The following SCN9A variants were observed in gnomAD, a reference collection of about 807,000 sequenced individuals.
SCN9A encodes sodium channel protein type 9 subunit alpha.
A neutral mutation model predicts 187.0 loss-of-function variants in SCN9A; 131 were observed. That is an observed-to-expected ratio of 0.70 (90% confidence interval 0.61 to 0.81). The LOEUF (loss-of-function observed/expected upper bound fraction) is 0.81, where lower values mean the gene tolerates loss of function less well. Ranked by LOEUF, SCN9A falls within the 30% of genes least tolerant of loss-of-function variation. The pLI, the probability that SCN9A is intolerant of heterozygous loss-of-function variation, is 0.00. For synonymous variants in SCN9A, 809 were observed against 808.6 expected, an observed-to-expected ratio of 1.00 and a Z score of -0.01; for missense variants, 2,252 against 2,396.6, an observed-to-expected ratio of 0.94 and a Z score of 1.26.
At chr2:166,370,065 CTAAAGTA>C (rs1174257699) in intron 1 of SCN9A, among the ~76,000 whole-genome samples, 1 of 151,342 alleles carries the variant, frequency 6.6e-6, no homozygotes, top group Non-Finnish European at 1.5e-5. Flanking sequence ...TTTTCAAATT[CTAAAGTA>C]TAGACTCTCA....
chr2:166,203,530 T>C (rs1380956306), intron 26 of SCN9A, among the ~76,000 whole-genome samples: 1 of 151,930 alleles, frequency 6.6e-6, no homozygotes, highest in Non-Finnish European at 1.5e-5. Flanking sequence ...CACTTTAAAT[T>C]CTGGAAGAAT....
chr2:166,252,089 C>T (rs565446347), intron 17 of SCN9A, among the ~76,000 whole-genome samples: 5 of 151,956 alleles, frequency 3.3e-5, no homozygotes, highest in Non-Finnish European at 7.4e-5. Context: ...CTACACCATC[C>T]TGTAAAATAA....
At chr2:166,305,749 G>C in intron 5 of SCN9A, 43 bp downstream of exon 5, 1 of 1,612,486 alleles carries the variant, frequency 6.2e-7, no homozygotes, top group Non-Finnish European at 8.5e-7. Context: ...TGCTGCCTGA[G>C]ATTTTCATAA....
chr2:166,210,551 T>C (rs573038915), intron 24 of SCN9A, among the ~76,000 whole-genome samples: 1 of 117,278 alleles, frequency 8.5e-6, no homozygotes, highest in Non-Finnish European at 1.9e-5. Context: ...TCATTTAAAA[T>C]TATCCAGTCA....
intron 2 of SCN9A, among the ~76,000 whole-genome samples, chr2:166,309,030 C>A (rs1486004022): frequency 6.6e-6 from 1 of 150,576 alleles, no homozygotes; most frequent in Non-Finnish European, 1.5e-5. Flanking sequence ...GTTTTGTATT[C>A]AAGGAACTTC....
intron 24 of SCN9A, among the ~76,000 whole-genome samples, chr2:166,213,528 A>G (rs1400811781): frequency 6.7e-6 from 1 of 150,204 alleles, no homozygotes; most frequent in African/African-American, 2.4e-5. Context: ...AAAGAAATGT[A>G]CAGGACCAGA....
intron 1 of SCN9A, among the ~76,000 whole-genome samples, chr2:166,325,357 G>A (rs537484448): frequency 1.3e-5 from 2 of 152,056 alleles, no homozygotes; most frequent in South Asian, 4.2e-4. Flanking sequence ...TGATCAATAG[G>A]AGATCCATTA....
chr2:166,203,891 C>T (rs1267643984), intron 26 of SCN9A, 64 bp downstream of exon 26: 2 of 992,086 alleles, frequency 2.0e-6, no homozygotes, highest in African/African-American at 3.3e-5. Flanking sequence ...GCATATACTT[C>T]CTTGAGCATA....
intron 15 of SCN9A, 52 bp from the exon 16 acceptor site, chr2:166,277,391 G>T: frequency 1.6e-6 from 2 of 1,249,422 alleles, no homozygotes; most frequent in Non-Finnish European, 2.3e-6. Context: ...TCTTTTCAAT[G>T]TTTCCAATCT....
chr2:166,227,494 G>A (rs1694888130), intron 23 of SCN9A, among the ~76,000 whole-genome samples, 176 bp downstream of exon 23: 1 of 152,200 alleles, frequency 6.6e-6, no homozygotes, highest in Non-Finnish European at 1.5e-5. Context: ...GCTAGAATTT[G>A]AATCAGGCTC....
chr2:166,315,477 T>G (rs1287731992), intron 1 of SCN9A, among the ~76,000 whole-genome samples: 1 of 152,168 alleles, frequency 6.6e-6, no homozygotes, highest in Non-Finnish European at 1.5e-5. Flanking sequence ...AGTGGTACCA[T>G]GCATGGGCAA....
At position 166,220,564 on chromosome 2, in the gene SCN9A, C is replaced by G. The variant is rs778655873; in HGVS notation, c.4398+6003G>C. On this transcript the variant is annotated intron_variant, in intron 24 of 26. Transcript: ENST00000642356. ...AGCCCCTCAGTCATGAACTTTCCAT[C>G]CTCCAGTACTGTGATCCCATAAGGT... Among the ~76,000 whole-genome samples the G allele has an allele frequency of 3.8e-4, 58 of 152,256 alleles. 1 individual carries two copies. The highest frequency in any genetic ancestry group is 7.5e-4 in the Non-Finnish European group (51 of 68,022).
At position 166,286,330 on chromosome 2, in the gene SCN9A, TG is replaced by T. The variant is rs1488594635; in HGVS notation, c.1602+5del. The stretch of plus-strand genomic sequence containing the variant: ...GGTGATACACATTTAGCAATTTGGG[TG>T]GTACCTGATTGGGGGTAGACAACCT... On this transcript the variant is annotated splice_donor_5th_base_variant and intron_variant, in intron 11 of 26. Transcript: ENST00000642356. 12 of 1,599,496 alleles carry T rather than the reference TG, an allele frequency of 7.5e-6. No homozygotes were observed. The highest frequency in any genetic ancestry group is 8.5e-6 in the Non-Finnish European group (10 of 1,174,798).
chr2:166,349,047 G>C (rs947047186), intron 1 of SCN9A, among the ~76,000 whole-genome samples: 9 of 79,264 alleles, frequency 1.1e-4, no homozygotes, highest in African/African-American at 6.9e-4. Context: ...AGAATCGCTT[G>C]AACCCAGGAG....
chr2:166,319,706 T>C (rs1048248742), intron 1 of SCN9A, among the ~76,000 whole-genome samples: 2 of 152,278 alleles, frequency 1.3e-5, no homozygotes, highest in African/African-American at 4.8e-5. Flanking sequence ...ATATATAAAA[T>C]GTAAGTACAA....
chr2:166,333,454 C>A (rs1019408905), intron 1 of SCN9A, among the ~76,000 whole-genome samples: 1 of 152,054 alleles, frequency 6.6e-6, no homozygotes, highest in Non-Finnish European at 1.5e-5. Context: ...TCCAAATTTT[C>A]TCTTTTCTCC....
chr2:166,339,367 C>T (rs932165760), intron 1 of SCN9A, among the ~76,000 whole-genome samples: 1 of 152,006 alleles, frequency 6.6e-6, no homozygotes, highest in African/African-American at 2.4e-5. Flanking sequence ...ATGTAGTGGC[C>T]TTTTATCAAC....
At position 166,294,580 on chromosome 2, in the gene SCN9A, GA is replaced by G. The variant is rs1698218221; in HGVS notation, c.965+18del. 1 of 1,592,500 alleles carries G rather than the reference GA, an allele frequency of 6.3e-7. No homozygotes were observed. The highest frequency in any genetic ancestry group is 8.6e-7 in the Non-Finnish European group (1 of 1,163,804). On this transcript the variant is annotated intron_variant, in intron 8 of 26. Transcript: ENST00000642356. ...TCTCTTTCAGCCTTTAGACTAAAAA[GA>G]AAACAAATATTACATACCCTGAATC...
In SCN9A at chr2:166,272,709, A is replaced by G; in HGVS notation, c.3041T>C (p.Phe1014Ser). ...QTLREFILKA[F>S]SKKPKISREI... is the part of the protein sequence containing the mutation. ...CCTGGAAATCTTTGGCTTTTTGGAA[A>G]ATGCTTTTAGAATAAATTCACGTAA... The change falls in exon 17 of 27, where the codon TTT becomes TCT. Residue 1014 changes from phenylalanine to serine, a missense_variant. Transcript: ENST00000642356. The G allele has an allele frequency of 6.3e-7, 1 of 1,596,672 alleles. No homozygotes were observed. The highest frequency in any genetic ancestry group is 8.5e-7 in the Non-Finnish European group (1 of 1,172,050).
Sources: gnomAD v4.1 joint callset for allele counts (sites outside exome capture counted in the v4.1 genomes callset) on GRCh38, gnomAD v4.1.1 for gene constraint, MANE v1.5 for transcripts, NCBI Gene and HGNC (gene_info 2026-07-23, HGNC 2026-07-21) for gene names.